MYO1D: variants seen among roughly 807,000 people sequenced by gnomAD.
MYO1D encodes the protein unconventional myosin-Id.
A neutral mutation model predicts 122.0 loss-of-function variants in MYO1D; 83 were observed. The observed-to-expected ratio is 0.68, with a 90% CI of 0.57 to 0.82. The LOEUF (loss-of-function observed/expected upper bound fraction) is 0.82. MYO1D is among the 40% of genes least tolerant of loss of function. The pLI is 0.00. For missense variants in MYO1D, 1,157 were observed against 1,269.5 expected, an observed-to-expected ratio of 0.91 and a Z score of 1.35; for synonymous variants, 464 against 446.9, an observed-to-expected ratio of 1.04 and a Z score of -0.48.
At chr17:32,662,918 C>CTTTTTTTT (rs66842883) in intron 16 of MYO1D, among the ~76,000 whole-genome samples, 1 of 118,756 alleles carries the variant, frequency 8.4e-6, no homozygotes, top group Non-Finnish European at 1.8e-5. Flanking sequence ...ACTTTCTTTT[C>CTTTTTTTT]TTTTTTTTTT....
chr17:32,801,716 T>C (rs997848226), intron 1 of MYO1D, among the ~76,000 whole-genome samples: 3 of 152,140 alleles, frequency 2.0e-5, no homozygotes, highest in African/African-American at 7.2e-5. Context: ...TGTGTGTGCA[T>C]TCCCCAACCC....
intron 21 of MYO1D, among the ~76,000 whole-genome samples, chr17:32,578,832 G>A (rs1349139299): frequency 2.6e-5 from 4 of 152,048 alleles, no homozygotes; most frequent in Non-Finnish European, 5.9e-5. Context: ...TGTAGGAATT[G>A]CCTAGGGGTC....
chr17:32,668,423 AAC>A (rs760427024), intron 16 of MYO1D, among the ~76,000 whole-genome samples: 5 of 152,254 alleles, frequency 3.3e-5, no homozygotes, highest in Non-Finnish European at 5.9e-5. Context: ...TCAAAATAAT[AAC>A]ACAGTATACA....
intron 3 of MYO1D, among the ~76,000 whole-genome samples, chr17:32,776,843 C>T (rs1330678116): frequency 6.6e-6 from 1 of 152,344 alleles, no homozygotes; most frequent in East Asian, 1.9e-4. Flanking sequence ...ACATTTTAAA[C>T]TTCATGCTAT....
intron 21 of MYO1D, among the ~76,000 whole-genome samples, chr17:32,547,548 G>T (rs1377639638): frequency 6.6e-6 from 1 of 152,242 alleles, no homozygotes; most frequent in African/African-American, 2.4e-5. Context: ...CAGAAGCTCA[G>T]ATTAGGAAAG....
In MYO1D at chr17:32,630,192, G is replaced by C. The variant is rs1451291200; in HGVS notation, c.2709+8530C>G. 2.0e-5 allele frequency among the ~76,000 whole-genome samples: 3 copies of C among 152,096 alleles called. No individual in the cohort carries two copies. In the East Asian group the frequency reaches 5.8e-4, roughly 29 times the overall value. On this transcript the variant is annotated intron_variant, in intron 20 of 21. Coordinates refer to ENST00000318217, the MANE Select transcript of MYO1D (RefSeq NM_015194.3). ...CCAGCTGAGAGGACCTAAAAGAAATGAATCCCCGGTAGCAACAAGCACATC... is the reference window on the plus strand; with the variant it reads ...CCAGCTGAGAGGACCTAAAAGAAATCAATCCCCGGTAGCAACAAGCACATC...
intron 1 of MYO1D, among the ~76,000 whole-genome samples, chr17:32,812,386 A>G (rs530437381): frequency 1.3e-5 from 2 of 152,230 alleles, no homozygotes; most frequent in Non-Finnish European, 2.9e-5. Context: ...CAGTTCTAAG[A>G]GTTTCTCTTC....
chr17:32,550,469 G>A (rs747534429), intron 21 of MYO1D, among the ~76,000 whole-genome samples: 3 of 151,998 alleles, frequency 2.0e-5, no homozygotes, highest in Non-Finnish European at 2.9e-5. Flanking sequence ...GGTGTTCACT[G>A]TCTCATGATC....
At chr17:32,526,459 G>A (rs1267029075) in intron 21 of MYO1D, among the ~76,000 whole-genome samples, 1 of 152,116 alleles carries the variant, frequency 6.6e-6, no homozygotes, top group African/African-American at 2.4e-5. Context: ...GTGCATATAT[G>A]TATGAAAATG....
intron 21 of MYO1D, among the ~76,000 whole-genome samples, chr17:32,568,703 C>T (rs1325614233): frequency 6.6e-6 from 1 of 152,210 alleles, no homozygotes; most frequent in Non-Finnish European, 1.5e-5. Flanking sequence ...CTGAACTGAA[C>T]CCACATTTTC....
At chr17:32,549,932 T>G (rs1423639856) in intron 21 of MYO1D, among the ~76,000 whole-genome samples, 1 of 152,158 alleles carries the variant, frequency 6.6e-6, no homozygotes, top group Non-Finnish European at 1.5e-5. Flanking sequence ...GTATTATCCA[T>G]CACAAAAAGC....
At chr17:32,691,076 A>G (rs1230846841) in intron 16 of MYO1D, among the ~76,000 whole-genome samples, 1 of 151,898 alleles carries the variant, frequency 6.6e-6, no homozygotes, top group Non-Finnish European at 1.5e-5. Context: ...AGCCCGGGCA[A>G]GATAGTCAGA....
chr17:32,838,649 T>C (rs1042180377), intron 1 of MYO1D, among the ~76,000 whole-genome samples: 2 of 152,310 alleles, frequency 1.3e-5, no homozygotes, highest in East Asian at 3.9e-4. Flanking sequence ...TTGCACTTTA[T>C]CTTGAGAGCA....
chr17:32,769,411 C>T (rs1166980753), intron 6 of MYO1D, among the ~76,000 whole-genome samples: 1 of 152,126 alleles, frequency 6.6e-6, no homozygotes, highest in Admixed American at 6.6e-5. Flanking sequence ...TGTCCTATCT[C>T]AGAGTTTCTT....
At chr17:32,559,994 C>T (rs754929730) in intron 21 of MYO1D, among the ~76,000 whole-genome samples, 7 of 152,080 alleles carry the variant, frequency 4.6e-5, no homozygotes, top group Non-Finnish European at 8.8e-5. Flanking sequence ...TGGTGGCTCA[C>T]GCCTGTAATC....
chr17:32,559,982 T>C (rs2640828), intron 21 of MYO1D, among the ~76,000 whole-genome samples: 118,755 of 152,208 alleles, frequency 0.78, 47,214 homozygotes, highest in African/African-American at 0.93. Flanking sequence ...GTGTGCCAGG[T>C]GTGGTGGCTC....
Position 32,864,064 on chromosome 17 carries a change from G to T in MYO1D, c.95+12714C>A, listed in dbSNP as rs1378503892. On this transcript the variant is annotated intron_variant, in intron 1 of 21. Coordinates refer to ENST00000318217, the MANE Select transcript of MYO1D (RefSeq NM_015194.3). The stretch of plus-strand genomic sequence containing the variant: ...TTTTTTGGTGTTTGCAAGAATAAAA[G>T]CCTTCTGGAAAAAAAATCATCTAAA... 4.1e-5 allele frequency among the ~76,000 whole-genome samples: 4 copies of T among 97,136 alleles called. No individual in the cohort carries two copies. The Admixed American group carries it at 4.7e-4, about 11-fold the overall frequency. 63.7% of individuals were successfully genotyped at this position (97,136 alleles called of 152,430 possible). A position where few individuals can be genotyped will look rare whatever the true frequency, so the allele number is the denominator to read the frequency against.
At chr17:32,546,538 G>A (rs542270828) in intron 21 of MYO1D, among the ~76,000 whole-genome samples, 48 of 152,296 alleles carry the variant, frequency 3.2e-4, no homozygotes, top group African/African-American at 1.1e-3. Context: ...CTTCTGTGCC[G>A]GTTGTCTTTT....
intron 21 of MYO1D, among the ~76,000 whole-genome samples, chr17:32,574,262 T>C (rs1373202321): frequency 2.6e-5 from 4 of 151,814 alleles, no homozygotes; most frequent in Non-Finnish European, 4.4e-5. Flanking sequence ...TTTTAGCATC[T>C]AGTATAAGTG....
Sources: gnomAD v4.1 joint callset for allele counts (sites outside exome capture counted in the v4.1 genomes callset) on GRCh38, gnomAD v4.1.1 for gene constraint, MANE v1.5 for transcripts, NCBI Gene and HGNC (gene_info 2026-07-23, HGNC 2026-07-21) for gene names.